Variants in FOXK1 observed in about 807,000 individuals in gnomAD.
FOXK1 encodes the protein forkhead box K1, also known as forkhead box protein K1.
FOXK1 carries 19 observed loss-of-function variants against 51.9 expected under a neutral mutation model. That is an observed-to-expected ratio of 0.37 (90% CI 0.26 to 0.54). FOXK1 has a LOEUF of 0.54. FOXK1 is among the 20% of genes least tolerant of loss of function. The pLI is 0.87. For missense variants in FOXK1, 870 were observed against 1,032.7 expected (o/e 0.84, Z 2.16); for synonymous variants, 537 against 482.6 (o/e 1.11, Z -1.48).
At position 4,747,909 on chromosome 7, in the gene FOXK1, G is replaced by A. The variant is rs779606025; in HGVS notation, c.747-6550G>A. The stretch of plus-strand genomic sequence containing the variant: ...CACCCAGGCCGGAGTGCAGTGGTCC[G>A]GTCACGGCTCGCTGCAGCCTCGACC... On this transcript the variant is annotated intron_variant, in intron 2 of 8. Transcript: ENST00000328914. The surrounding 1 kb of genome is among the most constrained non-coding windows in gnomAD (Gnocchi z 9.2). Among the ~76,000 whole-genome samples the A allele has an allele frequency of 4.6e-4, 70 of 150,726 alleles. No individual in the cohort carries two copies. The highest frequency in any genetic ancestry group is 7.9e-4 in the East Asian group (4 of 5,086).
At chr7:4,687,362 A>G (rs564986847) in intron 1 of FOXK1, among the ~76,000 whole-genome samples, 28 of 150,812 alleles carry the variant, frequency 1.9e-4, no homozygotes, top group African/African-American at 4.4e-4. Flanking sequence ...GTGTGATCTC[A>G]GCTCACTGAA....
At position 4,755,254 on chromosome 7, in the gene FOXK1, G is replaced by T; in HGVS notation, c.921G>T (p.Pro307=). 6.2e-7 allele frequency: 1 copy of T among 1,613,962 alleles called. No homozygotes were observed. Among genetic ancestry groups the T allele is most frequent in the Non-Finnish European group, 8.5e-7 (1 of 1,180,030 alleles). Residue 307 remains proline (P), a synonymous_variant, in exon 4 of 9, where the codon CCG becomes CCT. Transcript: ENST00000328914. This position sits in a 1 kb window ranked among gnomAD's most constrained non-coding sequence, Gnocchi z 6.6. ...CTCCGCAGGATGAGTCAAAGCCGCC[G>T]TTCTCCTACGCGCAGCTGATCGTGC... ...GDSPKDESKP[P]FSYAQLIVQA... is the part of the protein sequence containing the mutation.
chr7:4,721,589 C>CTTTTTTTTTTT (rs200132324), intron 1 of FOXK1, among the ~76,000 whole-genome samples: 38 of 112,646 alleles, frequency 3.4e-4, no homozygotes, highest in African/African-American at 5.5e-4. Flanking sequence ...TCTTTTTTTT[C>CTTTTTTTTTTT]TTTTTTTTTT....
chr7:4,714,467 G>T (rs1780210321), intron 1 of FOXK1, among the ~76,000 whole-genome samples: 1 of 152,142 alleles, frequency 6.6e-6, no homozygotes, highest in Non-Finnish European at 1.5e-5. Context: ...TAGAGACCGG[G>T]TTTCGCCACA....
At position 4,766,946 on chromosome 7, in the gene FOXK1, A is replaced by G. The variant is rs1368530576; in HGVS notation, c.*4482A>G. 1 of 152,366 alleles carries G rather than the reference A, an allele frequency of 6.6e-6. No individual in the cohort carries two copies. Among genetic ancestry groups the G allele is most frequent in the African/African-American group, 2.4e-5 (1 of 41,576 alleles). 9.4% of individuals were successfully genotyped at this position (152,366 alleles called of 1,614,324 possible). On this transcript the variant is annotated 3_prime_UTR_variant, in exon 9 of 9. Coordinates refer to ENST00000328914, the MANE Select transcript of FOXK1 (RefSeq NM_001037165.2). The surrounding 1 kb of genome is among the most constrained non-coding windows in gnomAD (Gnocchi z 5.5). ...GAGGAAGCTTTTCCTTGGCTTTGAA[A>G]TCAGTGTTTTTATGGAGACAAAGAA... is the stretch of plus-strand genomic sequence containing the variant.
At position 4,709,223 on chromosome 7, in the gene FOXK1, G is replaced by A. The variant is rs1780143946; in HGVS notation, c.560+26355G>A. Among the ~76,000 whole-genome samples the A allele has an allele frequency of 6.6e-6, 1 of 152,116 alleles. No homozygotes were observed. The highest frequency in any genetic ancestry group is 2.4e-5 in the African/African-American group (1 of 41,444). On this transcript the variant is annotated intron_variant, in intron 1 of 8. Coordinates refer to ENST00000328914, the MANE Select transcript of FOXK1 (RefSeq NM_001037165.2). This position sits in a 1 kb window ranked among gnomAD's most constrained non-coding sequence, Gnocchi z 5.6. ...CCCCCGTGCCTTACCCACGCTATTT[G>A]CTGCCTGGCATCCCCACCCTGTCAT...
At chr7:4,695,350 T>C (rs1195939141) in intron 1 of FOXK1, among the ~76,000 whole-genome samples, 1 of 152,246 alleles carries the variant, frequency 6.6e-6, no homozygotes, top group Admixed American at 6.5e-5. Flanking sequence ...TTTTTCTCTG[T>C]AAATTGTGGT....
intron 1 of FOXK1, among the ~76,000 whole-genome samples, chr7:4,706,367 T>G (rs10261600): frequency 0.077 from 11,143 of 145,418 alleles, 1,317 homozygotes; most frequent in African/African-American, 0.29. Context: ...CACCCTAAGT[T>G]AGGAGTTTAT....
At chr7:4,690,210 C>T (rs1779874223) in intron 1 of FOXK1, among the ~76,000 whole-genome samples, 2 of 152,070 alleles carry the variant, frequency 1.3e-5, no homozygotes, top group African/African-American at 2.4e-5. Context: ...GGAATGTTCC[C>T]GTTGGGTGAT....
chr7:4,686,137 A>T (rs747210109), intron 1 of FOXK1, among the ~76,000 whole-genome samples: 1 of 152,132 alleles, frequency 6.6e-6, no homozygotes, highest in Non-Finnish European at 1.5e-5. Flanking sequence ...GGTACCTGGT[A>T]TTGCCACTGC....
intron 1 of FOXK1, among the ~76,000 whole-genome samples, chr7:4,712,587 C>T (rs1269480724): frequency 2.0e-5 from 3 of 152,172 alleles, no homozygotes; most frequent in African/African-American, 4.8e-5. Flanking sequence ...AATCAAACCA[C>T]CGCTCTCTGA....
Position 4,709,943 on chromosome 7 carries a change from G to A in FOXK1, c.560+27075G>A, listed in dbSNP as rs919326621. On this transcript the variant is annotated intron_variant, in intron 1 of 8. Transcript: ENST00000328914. This position sits in a 1 kb window ranked among gnomAD's most constrained non-coding sequence, Gnocchi z 5.6. The stretch of plus-strand genomic sequence containing the variant: ...GAACACGGAAGCCTGTGTGTTAGGC[G>A]TTAACATTGTTCCCGCGTGAAGGGG... 5.3e-5 allele frequency among the ~76,000 whole-genome samples: 8 copies of A among 152,208 alleles called. No individual in the cohort carries two copies. The highest frequency in any genetic ancestry group is 2.1e-4 in the South Asian group (1 of 4,834).
At chr7:4,724,561 A>C (rs79410014) in intron 1 of FOXK1, among the ~76,000 whole-genome samples, 1 of 151,972 alleles carries the variant, frequency 6.6e-6, no homozygotes, top group African/African-American at 2.4e-5. Context: ...AAGCATTTCT[A>C]TTTTGTCCAA....
At chr7:4,724,441 G>A (rs555231215) in intron 1 of FOXK1, among the ~76,000 whole-genome samples, 9 of 151,428 alleles carry the variant, frequency 5.9e-5, no homozygotes, top group African/African-American at 1.5e-4. Flanking sequence ...AGTGATCTGC[G>A]TGCCTTGGCC....
chr7:4,697,617 C>T (rs1458008655), intron 1 of FOXK1, among the ~76,000 whole-genome samples: 1 of 152,106 alleles, frequency 6.6e-6, no homozygotes, highest in African/African-American at 2.4e-5. Flanking sequence ...TTCATCAGCA[C>T]CTTTTATTAC....
chr7:4,754,926 G>T, intron 3 of FOXK1: 1 of 568,480 alleles, frequency 1.8e-6, no homozygotes. Flanking sequence ...TGAGCAGGAT[G>T]GCGTTCTCCT....
At position 4,723,247 on chromosome 7, in the gene FOXK1, C is replaced by G. The variant is rs554146885; in HGVS notation, c.561-17591C>G. 2.0e-4 allele frequency among the ~76,000 whole-genome samples: 30 copies of G among 152,104 alleles called. No homozygotes were observed. Among genetic ancestry groups the G allele is most frequent in the African/African-American group, 7.2e-4 (30 of 41,512 alleles). On this transcript the variant is annotated intron_variant, in intron 1 of 8. Transcript: ENST00000328914. This position sits in a 1 kb window ranked among gnomAD's most constrained non-coding sequence, Gnocchi z 4.7. The stretch of plus-strand genomic sequence containing the variant: ...CGTTGCACGTCCCCCGGCTCAGCAC[C>G]GAGCAAGTGGGCCTGGACCCTGAAG...
chr7:4,699,722 C>A (rs1362716310), intron 1 of FOXK1, among the ~76,000 whole-genome samples: 2 of 152,124 alleles, frequency 1.3e-5, no homozygotes, highest in Non-Finnish European at 2.9e-5. Flanking sequence ...GGCTTTTCCA[C>A]CAAAGAGTTG....
chr7:4,761,002 C>T lies in FOXK1; in HGVS notation c.1697-62C>T. 3 of 1,503,154 alleles carry T rather than the reference C, an allele frequency of 2.0e-6. No individual in the cohort carries two copies. Among genetic ancestry groups the T allele is most frequent in the Admixed American group, 1.7e-5 (1 of 59,286 alleles). The allele number at this position is 1,503,154 out of a possible 1,614,324, so 93.1% of individuals were successfully genotyped here. On this transcript the variant is annotated intron_variant, in intron 7 of 8. Coordinates refer to ENST00000328914, the MANE Select transcript of FOXK1 (RefSeq NM_001037165.2). This position sits in a 1 kb window ranked among gnomAD's most constrained non-coding sequence, Gnocchi z 6.2. ...CCACTTGTCCGACCTGCTGCCCAGG[C>T]GTCGAGGAAATCGATTGTCTCGTTG...
Sources: allele counts gnomAD v4.1 joint callset (sites outside exome capture counted in the v4.1 genomes callset), GRCh38; gene constraint gnomAD v4.1.1; non-coding constraint Gnocchi (gnomAD v3.1); transcripts MANE v1.5; gene names NCBI Gene and HGNC (gene_info 2026-07-23, HGNC 2026-07-21).